The following BICD1 variants were observed in gnomAD, a reference collection of about 807,000 sequenced individuals.
The protein encoded by BICD1 is BICD cargo adaptor 1, also known as protein bicaudal D homolog 1.
In BICD1, 35 loss-of-function variants were observed where a neutral mutation model predicts 92.5. That is an observed-to-expected ratio of 0.38 (90% CI 0.29 to 0.50). BICD1 has a LOEUF of 0.50. Among genes scored for constraint, BICD1 ranks in the 20% least tolerant of loss-of-function variants. BICD1 has a pLI of 0.93. For missense variants in BICD1, 950 were observed against 1,189.8 expected, an observed-to-expected ratio of 0.80 and a Z score of 2.97; for synonymous variants, 429 against 465.1, an observed-to-expected ratio of 0.92 and a Z score of 1.00.
chr12:32,257,137 G>A lies in BICD1; in HGVS notation c.427-36857G>A, dbSNP rs372849658. The stretch of plus-strand genomic sequence containing the variant: ...CTGAGGCAGAAGAATTGCCTGAACC[G>A]GGGAGGCGGAGGTTGCAGTGAGCAG... On this transcript the variant is annotated intron_variant, in intron 2 of 9. Coordinates refer to ENST00000652176, the MANE Select transcript of BICD1 (RefSeq NM_001714.4). Among the ~76,000 whole-genome samples, 4 of 151,034 alleles carry A rather than the reference G, an allele frequency of 2.6e-5. No individual in the cohort carries two copies. The East Asian group carries it at 7.8e-4, about 29-fold the overall frequency.
At chr12:32,237,391 A>G (rs1946105239) in intron 2 of BICD1, among the ~76,000 whole-genome samples, 3 of 152,250 alleles carry the variant, frequency 2.0e-5, no homozygotes, top group Admixed American at 2.0e-4. Context: ...AGCTGAGATC[A>G]TTGGTAAAGC....
At chr12:32,305,534 C>G (rs781212229) in intron 3 of BICD1, among the ~76,000 whole-genome samples, 163 bp from the exon 4 acceptor site, 1 of 151,602 alleles carries the variant, frequency 6.6e-6, no homozygotes, top group Non-Finnish European at 1.5e-5. Context: ...TCTAAAGAAA[C>G]TATCCTATAT....
intron 2 of BICD1, among the ~76,000 whole-genome samples, chr12:32,234,995 G>T (rs73310707): frequency 0.12 from 18,295 of 152,014 alleles, 1,792 homozygotes; most frequent in African/African-American, 0.27. Flanking sequence ...TAAACATCTC[G>T]TCTGAGGCTA....
intron 2 of BICD1, among the ~76,000 whole-genome samples, chr12:32,248,102 AAAC>A (rs1416179880): frequency 6.6e-6 from 1 of 152,200 alleles, no homozygotes; most frequent in Non-Finnish European, 1.5e-5. Flanking sequence ...CAAACAAAAA[AAAC>A]AAAAACCCAA....
chr12:32,138,267 A>G (rs1302483476), intron 1 of BICD1, among the ~76,000 whole-genome samples: 2 of 152,214 alleles, frequency 1.3e-5, no homozygotes, highest in Non-Finnish European at 2.9e-5. Flanking sequence ...GCACAGATAA[A>G]TTAATTTGTC....
intron 2 of BICD1, among the ~76,000 whole-genome samples, chr12:32,273,007 A>T (rs1475852319): frequency 2.0e-5 from 3 of 152,224 alleles, no homozygotes; most frequent in Non-Finnish European, 4.4e-5. Flanking sequence ...AATGTTTCTC[A>T]TTGCTCTGGA....
chr12:32,228,217 G>A (rs553802679), intron 2 of BICD1: 2 of 153,428 alleles, frequency 1.3e-5, no homozygotes, highest in Non-Finnish European at 2.9e-5. Context: ...TTTGCATAAA[G>A]GAGTTGGTTT....
chr12:32,366,650 T>TAAAC (rs143879118), intron 8 of BICD1, among the ~76,000 whole-genome samples: 4,877 of 152,140 alleles, frequency 0.032, 248 homozygotes, highest in African/African-American at 0.11. Context: ...CTGTCTCAAA[T>TAAAC]AAACAAACAA....
At chr12:32,320,738 T>C (rs965114358) in intron 4 of BICD1, among the ~76,000 whole-genome samples, 1 of 152,150 alleles carries the variant, frequency 6.6e-6, no homozygotes, top group Non-Finnish European at 1.5e-5. Flanking sequence ...AGTAAACATA[T>C]GTTGTATACT....
chr12:32,284,067 C>T (rs1163667684), intron 2 of BICD1, among the ~76,000 whole-genome samples: 1 of 152,260 alleles, frequency 6.6e-6, no homozygotes, highest in Non-Finnish European at 1.5e-5. Flanking sequence ...GGCCCCAACA[C>T]AGAAATCCCT....
In BICD1 at chr12:32,270,901, C is replaced by G. The variant is rs535126086; in HGVS notation, c.427-23093C>G. Reference sequence around the variant, plus strand: ...TATAAAGGCTTCTCTTCTCTGCAAACTGAAAGGGACCCTGTGTGTGAAGTG... The same window carrying G: ...TATAAAGGCTTCTCTTCTCTGCAAAGTGAAAGGGACCCTGTGTGTGAAGTG... On this transcript the variant is annotated intron_variant, in intron 2 of 9. Transcript: ENST00000652176. Among the ~76,000 whole-genome samples, 3 of 152,290 alleles carry G rather than the reference C, an allele frequency of 2.0e-5. No homozygotes were observed. In the Middle Eastern group the frequency reaches 0.01, roughly 518 times the overall value.
intron 4 of BICD1, among the ~76,000 whole-genome samples, chr12:32,314,364 C>A (rs558912805): frequency 2.8e-5 from 1 of 35,706 alleles, no homozygotes; most frequent in South Asian, 1.8e-3. Flanking sequence ...GAAAACAAAT[C>A]GAGTGTACCA....
At chr12:32,146,836 T>TCCCG (rs59464675) in intron 1 of BICD1, among the ~76,000 whole-genome samples, 1 of 102,500 alleles carries the variant, frequency 9.8e-6, no homozygotes, top group Admixed American at 1.3e-4. Flanking sequence ...CCTCCCTCCC[T>TCCCG]TCCTTCCTTC....
intron 1 of BICD1, among the ~76,000 whole-genome samples, chr12:32,202,459 C>T (rs74072006): frequency 0.036 from 5,406 of 152,124 alleles, 324 homozygotes; most frequent in African/African-American, 0.12. Context: ...AAGGAAAAAA[C>T]TCTAGGTCTT....
intron 1 of BICD1, among the ~76,000 whole-genome samples, chr12:32,209,846 C>T (rs1253585518): frequency 6.6e-6 from 1 of 152,180 alleles, no homozygotes; most frequent in African/African-American, 2.4e-5. Flanking sequence ...CCCTCTATCC[C>T]TGTCCAACAT....
intron 1 of BICD1, among the ~76,000 whole-genome samples, chr12:32,212,167 G>C (rs1361116912): frequency 1.3e-5 from 2 of 152,094 alleles, no homozygotes; most frequent in East Asian, 3.9e-4. Flanking sequence ...TCCGTGTCAA[G>C]ATTCTAAGGC....
intron 2 of BICD1, among the ~76,000 whole-genome samples, chr12:32,276,997 C>CT (rs1947292478): frequency 6.6e-6 from 1 of 152,190 alleles, no homozygotes; most frequent in South Asian, 2.1e-4. Context: ...ACGTCCCCCC[C>CT]TACTTTTAGA....
chr12:32,293,852 C>A, intron 2 of BICD1, 142 bp from the exon 3 acceptor site: 1 of 773,068 alleles, frequency 1.3e-6, no homozygotes, highest in Non-Finnish European at 2.0e-6. Context: ...ACAGATACCA[C>A]TAAATTGCCA....
intron 1 of BICD1, among the ~76,000 whole-genome samples, chr12:32,121,776 T>C (rs1414192434): frequency 6.6e-6 from 1 of 150,968 alleles, no homozygotes; most frequent in African/African-American, 2.4e-5. Flanking sequence ...GTTAATGATA[T>C]AGTGATCTGA....
Sources: allele counts gnomAD v4.1 joint callset (sites outside exome capture counted in the v4.1 genomes callset), GRCh38; gene constraint gnomAD v4.1.1; transcripts MANE v1.5; gene names NCBI Gene and HGNC (gene_info 2026-07-23, HGNC 2026-07-21).